The following CDRT4 variants were observed in gnomAD, a reference collection of about 807,000 sequenced individuals.
CDRT4 encodes the protein CMT1A duplicated region transcript 4 protein.
For synonymous variants in CDRT4, 64 were observed against 69.6 expected (o/e 0.92, Z 0.40); for missense variants, 167 against 193.1 (o/e 0.87, Z 0.80).
Position 15,450,030 on chromosome 17 carries a change from G to A in CDRT4, c.-48+2974C>T, listed in dbSNP as rs537158122. On this transcript the variant is annotated intron_variant, in intron 2 of 3. Coordinates refer to ENST00000619038, the MANE Select transcript of CDRT4 (RefSeq NM_001204477.2). The surrounding 1 kb of genome is among the most constrained non-coding windows in gnomAD (Gnocchi z 4.2). ...TGCTGGGATAAACATATGAGTGCAG[G>A]TGTCTTTTTGATAAAATGATTTATA... 1.1e-4 allele frequency among the ~76,000 whole-genome samples: 17 copies of A among 152,262 alleles called. No homozygotes were observed. Among genetic ancestry groups the A allele is most frequent in the African/African-American group, 4.1e-4 (17 of 41,550 alleles).
At chr17:15,463,363 T>C (rs1567615161) in intron 1 of CDRT4, among the ~76,000 whole-genome samples, 1 of 152,164 alleles carries the variant, frequency 6.6e-6, no homozygotes. Flanking sequence ...AATTAGCAAG[T>C]TGGCTCGTGT....
At chr17:15,449,909 G>T (rs150034703) in intron 2 of CDRT4, among the ~76,000 whole-genome samples, 31 of 152,308 alleles carry the variant, frequency 2.0e-4, no homozygotes, top group African/African-American at 7.0e-4. Flanking sequence ...TCTCATGGCT[G>T]CATAGTATTC....
intron 2 of CDRT4, among the ~76,000 whole-genome samples, chr17:15,448,395 G>A (rs971500706): frequency 6.6e-6 from 1 of 152,228 alleles, no homozygotes; most frequent in African/African-American, 2.4e-5. Context: ...ATTATAAATA[G>A]TGTGTGTCAC....
chr17:15,444,219 C>T, intron 2 of CDRT4: 2 of 816,572 alleles, frequency 2.4e-6, no homozygotes, highest in South Asian at 1.4e-5. Flanking sequence ...GCTACAGAAA[C>T]AAGATGCCGG....
Position 15,438,036 on chromosome 17 carries a change from T to C in CDRT4, c.196A>G (p.Arg66Gly), listed in dbSNP as rs753102839. 3 of 1,614,098 alleles carry C rather than the reference T, an allele frequency of 1.9e-6. No individual in the cohort carries two copies. The highest frequency in any genetic ancestry group is 2.5e-6 in the Non-Finnish European group (3 of 1,180,046). The change falls in exon 4 of 4, where the codon AGG (arginine) becomes GGG (glycine). Residue 66 changes from arginine (R) to glycine (G), a missense_variant. Arg to Gly is a moderately radical substitution (Grantham distance 125). Transcript: ENST00000619038. ...RALEERPWAS[R>G]QNKPSSVIQP... is the part of the protein sequence containing the mutation. ...ATGACGCTGGAAGGTTTATTCTGCC[T>C]TGATGCCCAGGGTCTTTCCTCGAGG...
chr17:15,448,276 C>T (rs1329077624), intron 2 of CDRT4, among the ~76,000 whole-genome samples: 1 of 152,192 alleles, frequency 6.6e-6, no homozygotes, highest in African/African-American at 2.4e-5. Context: ...AGGAACTGCA[C>T]ATCCTCCAAA....
chr17:15,438,923 A>G (rs1978626245), intron 3 of CDRT4, among the ~76,000 whole-genome samples: 1 of 152,200 alleles, frequency 6.6e-6, no homozygotes, highest in South Asian at 2.1e-4. Flanking sequence ...ACTCAAGCTT[A>G]ACAAGGCTCA....
rs79777922 is a variant in CDRT4, at chr17:15,436,910, G to C, written c.*863C>G. 2 of 152,246 alleles carry C rather than the reference G, an allele frequency of 1.3e-5. No homozygotes were observed. Among genetic ancestry groups the C allele is most frequent in the East Asian group, 3.9e-4 (2 of 5,154 alleles). 9.4% of individuals were successfully genotyped at this position (152,246 alleles called of 1,614,324 possible). A position where few individuals can be genotyped will look rare whatever the true frequency, so the allele number is the denominator to read the frequency against. On this transcript the variant is annotated 3_prime_UTR_variant, in exon 4 of 4. Transcript: ENST00000619038. Reference sequence around the variant, plus strand: ...GTGCCCTGATAGGCTCAGCCCCCAGGGGGAGCTAGAAGGAATCTGCTAGGC... The same window carrying C: ...GTGCCCTGATAGGCTCAGCCCCCAGCGGGAGCTAGAAGGAATCTGCTAGGC...
Position 15,464,530 on chromosome 17 carries a change from G to T in CDRT4, c.-130+2930C>A, listed in dbSNP as rs1165408539. Among the ~76,000 whole-genome samples the T allele has an allele frequency of 6.6e-6, 1 of 152,058 alleles. No homozygotes were observed. The highest frequency in any genetic ancestry group is 6.6e-5 in the Admixed American group (1 of 15,254). ...TGGGCATTAGCAATCTGAGAGCTGG[G>T]TAACAAGTCCTGGGGTGGGGTTTCT... On this transcript the variant is annotated intron_variant, in intron 1 of 3. Transcript: ENST00000619038. This position sits in a 1 kb window ranked among gnomAD's most constrained non-coding sequence, Gnocchi z 4.5.
At chr17:15,444,745 A>G (rs1978941275) in intron 2 of CDRT4, among the ~76,000 whole-genome samples, 1 of 150,820 alleles carries the variant, frequency 6.6e-6, no homozygotes, top group Admixed American at 6.6e-5. Flanking sequence ...AGAGAGAGAG[A>G]GGTCCAGAAG....
chr17:15,440,489 C>A (rs1168346775), intron 2 of CDRT4, among the ~76,000 whole-genome samples: 3 of 152,008 alleles, frequency 2.0e-5, no homozygotes, highest in African/African-American at 7.3e-5. Flanking sequence ...TGGCCTTGCT[C>A]AAGAGCTGTA....
At position 15,462,177 on chromosome 17, in the gene CDRT4, C is replaced by A. The variant is rs553550252; in HGVS notation, c.-130+5283G>T. 2.0e-3 allele frequency among the ~76,000 whole-genome samples: 311 copies of A among 152,108 alleles called. 3 individuals are homozygous for A. Among genetic ancestry groups the A allele is most frequent in the Admixed American group, 0.017 (261 of 15,290 alleles). On this transcript the variant is annotated intron_variant, in intron 1 of 3. Transcript: ENST00000619038. ...GGGCGTGGTCGTCACGCCTGTAATC[C>A]CAGCACTTTGGGAGGCCGAGGCAGG... is the stretch of plus-strand genomic sequence containing the variant.
rs116014868 is a variant in CDRT4 at position 15,461,842 on chromosome 17, G to T, written c.-130+5618C>A. Among the ~76,000 whole-genome samples, 270 of 152,238 alleles carry T rather than the reference G, an allele frequency of 1.8e-3. 1 individual carries two copies. The highest frequency in any genetic ancestry group is 6.2e-3 in the African/African-American group (258 of 41,538). On this transcript the variant is annotated intron_variant, in intron 1 of 3. Coordinates refer to ENST00000619038, the MANE Select transcript of CDRT4 (RefSeq NM_001204477.2). ...GGAGCTGGAACCTAGGTTTCATTTT[G>T]AATAATAAGTAGGCATTACTGAAGG...
rs555485418 is a variant in CDRT4 at position 15,455,936 on chromosome 17, A to C, written c.-129-2851T>G. ...TTCCTGGCCCACAGAAACTGAGATAACAAATATTTGTTTAAAGCAACTAAC... is the reference window on the plus strand; with the variant it reads ...TTCCTGGCCCACAGAAACTGAGATACCAAATATTTGTTTAAAGCAACTAAC... On this transcript the variant is annotated intron_variant, in intron 1 of 3. Coordinates refer to ENST00000619038, the MANE Select transcript of CDRT4 (RefSeq NM_001204477.2). Among the ~76,000 whole-genome samples the C allele has an allele frequency of 3.9e-5, 6 of 152,296 alleles. No homozygotes were observed. The South Asian group carries it at 1.2e-3, about 32-fold the overall frequency.
chr17:15,437,642 A>C lies in CDRT4; in HGVS notation c.*131T>G. On this transcript the variant is annotated 3_prime_UTR_variant, in exon 4 of 4. Transcript: ENST00000619038. ...CTGGTTTCTCTTAGCCAAGCTCCGC[A>C]TGAGCAAGAGCAAGTTCAGATTTAA... 1 of 969,680 alleles carries C rather than the reference A, an allele frequency of 1.0e-6. No homozygotes were observed. Among genetic ancestry groups the C allele is most frequent in the Non-Finnish European group, 1.5e-6 (1 of 660,158 alleles). The allele number at this position is 969,680 out of a possible 1,614,324, so 60.1% of individuals were successfully genotyped here. A position where few individuals can be genotyped will look rare whatever the true frequency, so the allele number is the denominator to read the frequency against.
At chr17:15,463,575 C>G (rs949106309) in intron 1 of CDRT4, among the ~76,000 whole-genome samples, 1 of 152,200 alleles carries the variant, frequency 6.6e-6, no homozygotes, top group Non-Finnish European at 1.5e-5. Context: ...CAGCTAGGCA[C>G]TCACTGTAAC....
chr17:15,459,604 C>G (rs1399979891), intron 1 of CDRT4, among the ~76,000 whole-genome samples: 1 of 151,976 alleles, frequency 6.6e-6, no homozygotes, highest in East Asian at 1.9e-4. Context: ...GCCACCACGC[C>G]TGGCTAATTT....
rs1979717791 is a variant in CDRT4 at position 15,460,898 on chromosome 17, C to A, written c.-130+6562G>T. 2.0e-5 allele frequency among the ~76,000 whole-genome samples: 3 copies of A among 151,564 alleles called. No individual in the cohort carries two copies. In the South Asian group the frequency reaches 6.3e-4, roughly 32 times the overall value. Reference sequence around the variant, plus strand: ...CCTCCCCCGCCTTCCCCACCGCCAACCACCCTCCAGCCACAGTGTCCTCCT... The same window carrying A: ...CCTCCCCCGCCTTCCCCACCGCCAAACACCCTCCAGCCACAGTGTCCTCCT... On this transcript the variant is annotated intron_variant, in intron 1 of 3. Coordinates refer to ENST00000619038, the MANE Select transcript of CDRT4 (RefSeq NM_001204477.2).
rs1264809616 is a variant in CDRT4, at chr17:15,444,147, A to G, written c.-47-3862T>C. 11 of 1,269,712 alleles carry G rather than the reference A, an allele frequency of 8.7e-6. No individual in the cohort carries two copies. In the African/African-American group the frequency reaches 1.3e-4, roughly 15 times the overall value. The allele number at this position is 1,269,712 out of a possible 1,614,324, so 78.7% of individuals were successfully genotyped here. A position where few individuals can be genotyped will look rare whatever the true frequency, so the allele number is the denominator to read the frequency against. ...GGCAATCAGGAAATTTTTGGATGGT[A>G]TATATGTCTCTGAAAAAGGAACTGT... is the stretch of plus-strand genomic sequence containing the variant. On this transcript the variant is annotated intron_variant, in intron 2 of 3. Coordinates refer to ENST00000619038, the MANE Select transcript of CDRT4 (RefSeq NM_001204477.2).
Sources: allele counts gnomAD v4.1 joint callset (sites outside exome capture counted in the v4.1 genomes callset), GRCh38; gene constraint gnomAD v4.1.1; non-coding constraint Gnocchi (gnomAD v3.1); transcripts MANE v1.5; gene names NCBI Gene and HGNC (gene_info 2026-07-23, HGNC 2026-07-21).